CLSTN2: variants seen among roughly 807,000 people sequenced by gnomAD.
The protein encoded by CLSTN2 is calsyntenin 2.
In CLSTN2, 48 loss-of-function variants were observed where a neutral mutation model predicts 101.2. That is an observed-to-expected ratio of 0.47 (90% CI 0.38 to 0.60). The LOEUF is 0.60. CLSTN2 is among the 20% of genes least tolerant of loss of function. The pLI, the probability that CLSTN2 is intolerant of heterozygous loss-of-function variation, is 0.00. For missense variants in CLSTN2, 1,160 were observed against 1,238.2 expected, an observed-to-expected ratio of 0.94 and a Z score of 0.95; for synonymous variants, 481 against 463.6, an observed-to-expected ratio of 1.04 and a Z score of -0.48.
chr3:140,149,095 CTT>C (rs142014503), intron 1 of CLSTN2, among the ~76,000 whole-genome samples: 1,584 of 152,306 alleles, frequency 0.01, 12 homozygotes, highest in Non-Finnish European at 0.016. Flanking sequence ...CCACTGAACT[CTT>C]TTCATTCTGA....
At chr3:140,235,508 T>A (rs2086409347) in intron 2 of CLSTN2, among the ~76,000 whole-genome samples, 1 of 152,238 alleles carries the variant, frequency 6.6e-6, no homozygotes, top group African/African-American at 2.4e-5. Flanking sequence ...CTAAGCTGTG[T>A]CCAGTTGTGT....
rs144333740 is a variant in CLSTN2 at position 140,095,967 on chromosome 3, C to G, written c.110-79984C>G. Among the ~76,000 whole-genome samples, 214 of 152,226 alleles carry G rather than the reference C, an allele frequency of 1.4e-3. 1 individual carries two copies. Among genetic ancestry groups the G allele is most frequent in the African/African-American group, 4.8e-3 (199 of 41,528 alleles). On this transcript the variant is annotated intron_variant, in intron 1 of 16. Transcript: ENST00000458420. ...GTTTGCAGTGATTGTGCAGTTTTGTCAAGTTGCTCTCCTAGGAGATAAAGC... is the reference window on the plus strand; with the variant it reads ...GTTTGCAGTGATTGTGCAGTTTTGTGAAGTTGCTCTCCTAGGAGATAAAGC...
intron 9 of CLSTN2, among the ~76,000 whole-genome samples, chr3:140,542,166 A>G (rs192011177): frequency 2.0e-5 from 3 of 152,304 alleles, no homozygotes; most frequent in East Asian, 1.9e-4. Context: ...CACATTGCCT[A>G]TATCAATTGT....
intron 1 of CLSTN2, among the ~76,000 whole-genome samples, chr3:140,044,515 C>T (rs1175332921): frequency 6.6e-6 from 1 of 152,080 alleles, no homozygotes; most frequent in Non-Finnish European, 1.5e-5. Context: ...ATTGAATACC[C>T]TTTATTTCTT....
intron 8 of CLSTN2, among the ~76,000 whole-genome samples, chr3:140,521,005 A>G (rs1935012970): frequency 6.7e-6 from 1 of 149,068 alleles, no homozygotes; most frequent in Admixed American, 6.7e-5. Flanking sequence ...TAAACTGGCT[A>G]TCAGCTCCCA....
At chr3:140,095,285 C>T (rs902841820) in intron 1 of CLSTN2, among the ~76,000 whole-genome samples, 8 of 152,282 alleles carry the variant, frequency 5.3e-5, no homozygotes, top group Middle Eastern at 3.4e-3. Flanking sequence ...GAAAGTTCTT[C>T]AGGAGCTACT....
chr3:140,249,501 G>A (rs1333801820), intron 2 of CLSTN2, among the ~76,000 whole-genome samples: 2 of 152,314 alleles, frequency 1.3e-5, no homozygotes, highest in South Asian at 2.1e-4. Flanking sequence ...ACTAGCAGAT[G>A]TGACCTAAGC....
chr3:140,273,604 T>C (rs2086764619), intron 2 of CLSTN2, among the ~76,000 whole-genome samples: 1 of 152,156 alleles, frequency 6.6e-6, no homozygotes, highest in African/African-American at 2.4e-5. Context: ...TGAACCACCG[T>C]GTCAGAGCCC....
intron 2 of CLSTN2, among the ~76,000 whole-genome samples, chr3:140,199,421 C>A (rs1214103370): frequency 6.6e-6 from 1 of 152,106 alleles, no homozygotes; most frequent in Non-Finnish European, 1.5e-5. Flanking sequence ...TTTAGTATGT[C>A]TGGAGTAGAC....
chr3:140,374,770 A>G (rs538466441), intron 2 of CLSTN2, among the ~76,000 whole-genome samples: 1 of 152,342 alleles, frequency 6.6e-6, no homozygotes, highest in South Asian at 2.1e-4. Context: ...GCCTACTGAG[A>G]GCTTCCTGAT....
intron 6 of CLSTN2, 110 bp from the exon 7 acceptor site, chr3:140,459,411 C>T: frequency 1.6e-6 from 2 of 1,251,748 alleles, no homozygotes; most frequent in African/African-American, 1.5e-5. Context: ...TGGTTAGGCA[C>T]AGACGTCTCT....
chr3:140,040,805 C>T (rs149217010), intron 1 of CLSTN2, among the ~76,000 whole-genome samples: 210 of 152,044 alleles, frequency 1.4e-3, no homozygotes, highest in African/African-American at 4.8e-3. Flanking sequence ...TAATGCAGCA[C>T]GAGTGACAGC....
chr3:140,502,373 C>A (rs1328905259), intron 8 of CLSTN2, among the ~76,000 whole-genome samples: 1 of 152,196 alleles, frequency 6.6e-6, no homozygotes, highest in Non-Finnish European at 1.5e-5. Flanking sequence ...CTACTGACCC[C>A]TGTACCCCAC....
chr3:140,276,420 G>C (rs1221287829), intron 2 of CLSTN2, among the ~76,000 whole-genome samples: 2 of 152,186 alleles, frequency 1.3e-5, no homozygotes, highest in Non-Finnish European at 2.9e-5. Context: ...TAAGGGTCTA[G>C]TGTAAAGAGA....
At chr3:140,472,359 AGTGT>A (rs1933869480) in intron 8 of CLSTN2, among the ~76,000 whole-genome samples, 5 of 152,322 alleles carry the variant, frequency 3.3e-5, no homozygotes, top group Non-Finnish European at 5.9e-5. Flanking sequence ...TGGTGAGGAA[AGTGT>A]GTTAGAATGA....
At chr3:140,121,679 C>G (rs1276395058) in intron 1 of CLSTN2, among the ~76,000 whole-genome samples, 1 of 152,188 alleles carries the variant, frequency 6.6e-6, no homozygotes, top group Non-Finnish European at 1.5e-5. Context: ...CTCACTCCAC[C>G]TGACTGTAAA....
At chr3:139,971,836 T>A (rs2107819255) in intron 1 of CLSTN2, among the ~76,000 whole-genome samples, 1 of 152,276 alleles carries the variant, frequency 6.6e-6, no homozygotes, top group African/African-American at 2.4e-5. Flanking sequence ...CTCATGCCCA[T>A]GTATGACATC....
intron 8 of CLSTN2, among the ~76,000 whole-genome samples, chr3:140,531,747 G>C (rs1256143856): frequency 6.6e-6 from 1 of 152,088 alleles, no homozygotes; most frequent in Non-Finnish European, 1.5e-5. Flanking sequence ...TCATTCCCTT[G>C]AGGTTAAGAA....
intron 2 of CLSTN2, among the ~76,000 whole-genome samples, chr3:140,376,372 A>G (rs975304155): frequency 3.9e-5 from 6 of 152,180 alleles, no homozygotes; most frequent in Non-Finnish European, 8.8e-5. Flanking sequence ...CTCCTAACCA[A>G]GGGTGGTGAT....
Sources: gnomAD v4.1 joint callset for allele counts (sites outside exome capture counted in the v4.1 genomes callset) on GRCh38, gnomAD v4.1.1 for gene constraint, MANE v1.5 for transcripts, NCBI Gene and HGNC (gene_info 2026-07-23, HGNC 2026-07-21) for gene names.